The following KLHL1 variants were observed in gnomAD, a reference collection of about 807,000 sequenced individuals.
KLHL1 encodes kelch-like protein 1.
A neutral mutation model predicts 77.7 loss-of-function variants in KLHL1; 47 were observed. That is an observed-to-expected ratio of 0.60 (90% CI 0.48 to 0.77). The LOEUF is 0.77. Ranked by LOEUF, KLHL1 falls within the 30% of genes least tolerant of loss-of-function variation. The probability of loss-of-function intolerance (pLI) is 0.00; values close to 1 mark genes in which losing one functional copy is unlikely to be tolerated. For synonymous variants in KLHL1, 360 were observed against 325.2 expected (o/e 1.11, Z -1.15); for missense variants, 925 against 910.8 (o/e 1.02, Z -0.20).
chr13:69,801,480 G>A (rs1402454205), intron 6 of KLHL1, among the ~76,000 whole-genome samples: 1 of 152,102 alleles, frequency 6.6e-6, no homozygotes, highest in African/African-American at 2.4e-5. Flanking sequence ...TTACAAACAT[G>A]TCAAGGTTGC....
intron 3 of KLHL1, among the ~76,000 whole-genome samples, chr13:69,958,738 TAAA>T (rs59683172): frequency 6.8e-6 from 1 of 146,258 alleles, no homozygotes; most frequent in African/African-American, 2.5e-5. Flanking sequence ...ACCTTAAAAT[TAAA>T]AAAAAAAAAT....
At chr13:70,084,676 T>C (rs1566562449) in intron 1 of KLHL1, among the ~76,000 whole-genome samples, 1 of 133,302 alleles carries the variant, frequency 7.5e-6, no homozygotes. Flanking sequence ...GGGGTTTCAC[T>C]GTGTTAGCCA....
intron 1 of KLHL1, among the ~76,000 whole-genome samples, chr13:70,024,900 GA>G (rs1885903356): frequency 6.6e-6 from 1 of 151,884 alleles, no homozygotes; most frequent in Admixed American, 6.6e-5. Flanking sequence ...ACACCAGTGT[GA>G]AAAATTCTAG....
At chr13:70,009,985 T>A (rs1469905394) in intron 1 of KLHL1, among the ~76,000 whole-genome samples, 3 of 146,162 alleles carry the variant, frequency 2.1e-5, no homozygotes, top group Admixed American at 1.4e-4. Context: ...AGGAAAGGAG[T>A]AAGGAGGAAA....
chr13:69,772,031 A>T lies in KLHL1; in HGVS notation c.1639+24707T>A, dbSNP rs535862638. Among the ~76,000 whole-genome samples, 13 of 152,180 alleles carry T rather than the reference A, an allele frequency of 8.5e-5. No homozygotes were observed. The South Asian group carries it at 2.7e-3, about 32-fold the overall frequency. On this transcript the variant is annotated intron_variant, in intron 7 of 10. Coordinates refer to ENST00000377844, the MANE Select transcript of KLHL1 (RefSeq NM_020866.3). The stretch of plus-strand genomic sequence containing the variant: ...CAGTGGCACAGTCTTGGCTCACTGC[A>T]ACCTCTGCCTCCTGGGTTCAAGCAA...
intron 7 of KLHL1, among the ~76,000 whole-genome samples, chr13:69,764,400 G>A (rs1163676056): frequency 6.6e-6 from 1 of 151,982 alleles, no homozygotes; most frequent in Non-Finnish European, 1.5e-5. Flanking sequence ...TCGAAGGGAG[G>A]CCCAATTTTC....
intron 7 of KLHL1, among the ~76,000 whole-genome samples, chr13:69,752,516 A>G (rs1874530598): frequency 6.6e-6 from 1 of 152,222 alleles, no homozygotes. Context: ...ATGTTATAAC[A>G]TGAAAATAAA....
intron 6 of KLHL1, among the ~76,000 whole-genome samples, chr13:69,808,506 C>T (rs1191430232): frequency 6.6e-6 from 1 of 152,044 alleles, no homozygotes; most frequent in East Asian, 1.9e-4. Flanking sequence ...ATAAATGAAA[C>T]ACCATATACG....
rs796364477 is a variant in KLHL1, at chr13:70,097,152, A to G, written c.497+10051T>C. On this transcript the variant is annotated intron_variant, in intron 1 of 10. Transcript: ENST00000377844. Reference sequence around the variant, plus strand: ...AGAACTTCCCCCCACTATCTTTAGTAAAAATCTTAACATGACATTTTGCAA... The same window carrying G: ...AGAACTTCCCCCCACTATCTTTAGTGAAAATCTTAACATGACATTTTGCAA... Among the ~76,000 whole-genome samples, 3 of 152,034 alleles carry G rather than the reference A, an allele frequency of 2.0e-5. No individual in the cohort carries two copies. In the South Asian group the frequency reaches 6.2e-4, roughly 31 times the overall value.
chr13:69,778,949 C>A (rs567199592), intron 7 of KLHL1, among the ~76,000 whole-genome samples: 3 of 152,012 alleles, frequency 2.0e-5, no homozygotes, highest in South Asian at 4.2e-4. Context: ...CAGGCACACG[C>A]CACCATACCC....
intron 7 of KLHL1, among the ~76,000 whole-genome samples, chr13:69,793,639 C>T (rs1876972888): frequency 6.6e-6 from 1 of 151,690 alleles, no homozygotes; most frequent in Admixed American, 6.6e-5. Flanking sequence ...ATTATATATT[C>T]AATTTTATAA....
chr13:69,886,613 C>T (rs1881229544), intron 4 of KLHL1, among the ~76,000 whole-genome samples: 1 of 151,944 alleles, frequency 6.6e-6, no homozygotes, highest in Admixed American at 6.6e-5. Flanking sequence ...CAACTATCAT[C>T]TCTTTGTTAT....
intron 1 of KLHL1, among the ~76,000 whole-genome samples, chr13:70,056,281 G>A (rs998442230): frequency 1.3e-5 from 2 of 152,206 alleles, no homozygotes; most frequent in East Asian, 1.9e-4. Flanking sequence ...AATTCAGGAA[G>A]AGGAGATAAC....
chr13:70,063,723 A>T (rs1315476542), intron 1 of KLHL1, among the ~76,000 whole-genome samples: 21 of 152,072 alleles, frequency 1.4e-4, no homozygotes, highest in African/African-American at 2.4e-5. Context: ...TATTTTTTTA[A>T]AAAATGCATT....
intron 4 of KLHL1, among the ~76,000 whole-genome samples, chr13:69,902,174 A>G: frequency 6.6e-6 from 1 of 152,144 alleles, no homozygotes; most frequent in East Asian, 1.9e-4. Flanking sequence ...TTTGACAGGA[A>G]GCCAGAAATG....
intron 5 of KLHL1, among the ~76,000 whole-genome samples, chr13:69,846,855 T>C (rs1879482503): frequency 3.5e-5 from 1 of 28,438 alleles, no homozygotes; most frequent in Admixed American, 4.2e-4. Flanking sequence ...ATGTTTGTAA[T>C]AATACATAAA....
At chr13:70,047,769 T>C (rs1886538647) in intron 1 of KLHL1, among the ~76,000 whole-genome samples, 1 of 152,242 alleles carries the variant, frequency 6.6e-6, no homozygotes. Flanking sequence ...CTTGCGTGTT[T>C]GCAATTATAT....
intron 1 of KLHL1, among the ~76,000 whole-genome samples, chr13:70,018,174 T>C (rs1456055106): frequency 6.6e-6 from 1 of 152,204 alleles, no homozygotes; most frequent in Non-Finnish European, 1.5e-5. Flanking sequence ...ATATAGCATT[T>C]ACCACATGCC....
At chr13:69,720,481 CA>C (rs1872994824) in intron 8 of KLHL1, among the ~76,000 whole-genome samples, 1 of 152,032 alleles carries the variant, frequency 6.6e-6, no homozygotes, top group South Asian at 2.1e-4. Flanking sequence ...TCCATGCACT[CA>C]ATTCTGCTGA....
Sources: allele counts gnomAD v4.1 joint callset (sites outside exome capture counted in the v4.1 genomes callset), GRCh38; gene constraint gnomAD v4.1.1; transcripts MANE v1.5; gene names NCBI Gene and HGNC (gene_info 2026-07-23, HGNC 2026-07-21).